ERBB4: variants seen among roughly 807,000 people sequenced by gnomAD.
ERBB4 encodes receptor tyrosine-protein kinase erbB-4.
In ERBB4, 42 loss-of-function variants were observed where a neutral mutation model predicts 158.0. The ratio of observed to expected loss-of-function variants is 0.27; its 90% confidence interval spans 0.21 to 0.34. ERBB4 has a LOEUF of 0.34. ERBB4 is among the 10% of genes least tolerant of loss of function. The pLI is 1.00. For missense variants in ERBB4, 1,333 were observed against 1,624.1 expected, an observed-to-expected ratio of 0.82 and a Z score of 3.08; for synonymous variants, 583 against 558.7, an observed-to-expected ratio of 1.04 and a Z score of -0.61.
chr2:211,857,542 A>C (rs1444203158), intron 3 of ERBB4, among the ~76,000 whole-genome samples: 1 of 152,136 alleles, frequency 6.6e-6, no homozygotes, highest in Non-Finnish European at 1.5e-5. Context: ...ATGGTTTCTG[A>C]ATTTTAATCA....
intron 20 of ERBB4, among the ~76,000 whole-genome samples, chr2:211,539,674 T>C (rs1303268297): frequency 6.6e-6 from 1 of 152,026 alleles, no homozygotes; most frequent in Non-Finnish European, 1.5e-5. Flanking sequence ...TGACTCCTTA[T>C]AGTTCTTTAC....
At chr2:212,360,255 TC>T (rs1334090382) in intron 1 of ERBB4, among the ~76,000 whole-genome samples, 28 of 151,718 alleles carry the variant, frequency 1.8e-4, no homozygotes, top group Admixed American at 1.5e-3. Context: ...CTAGCATGAG[TC>T]CAGAGTTAAC....
chr2:212,235,605 G>T (rs1229396029), intron 1 of ERBB4, among the ~76,000 whole-genome samples: 3 of 152,174 alleles, frequency 2.0e-5, no homozygotes, highest in Non-Finnish European at 2.9e-5. Flanking sequence ...CCATGAGAAT[G>T]GAATGTGTTT....
chr2:211,629,216 A>G (rs994700490), intron 17 of ERBB4, among the ~76,000 whole-genome samples: 1 of 152,192 alleles, frequency 6.6e-6, no homozygotes, highest in African/African-American at 2.4e-5. Flanking sequence ...TACAAAATCA[A>G]TGTGCAAAAA....
At chr2:212,370,830 T>C (rs1423216994) in intron 1 of ERBB4, among the ~76,000 whole-genome samples, 1 of 152,160 alleles carries the variant, frequency 6.6e-6, no homozygotes, top group African/African-American at 2.4e-5. Context: ...GATAACTCTT[T>C]ACCTTTAGTT....
chr2:212,203,952 T>G (rs1435714121), intron 1 of ERBB4, among the ~76,000 whole-genome samples: 3 of 152,252 alleles, frequency 2.0e-5, no homozygotes, highest in Non-Finnish European at 2.9e-5. Flanking sequence ...TTATTTGCTG[T>G]AGTATTCATC....
chr2:211,810,662 CTTT>C (rs59305629), intron 3 of ERBB4, among the ~76,000 whole-genome samples: 4 of 101,510 alleles, frequency 3.9e-5, no homozygotes, highest in African/African-American at 1.6e-4. Flanking sequence ...CAGTCTCTGT[CTTT>C]TTTTTTTTTT....
chr2:211,837,128 A>G (rs558322168), intron 3 of ERBB4, among the ~76,000 whole-genome samples: 48 of 152,252 alleles, frequency 3.2e-4, no homozygotes, highest in African/African-American at 1.1e-3. Flanking sequence ...TACATAAAAT[A>G]GATCTTAAAA....
chr2:211,990,761 G>A (rs1336095154), intron 2 of ERBB4, among the ~76,000 whole-genome samples: 1 of 151,686 alleles, frequency 6.6e-6, no homozygotes, highest in African/African-American at 2.4e-5. Context: ...TGAGGATGTT[G>A]GATGTTGCAA....
intron 19 of ERBB4, among the ~76,000 whole-genome samples, chr2:211,613,089 G>C (rs535856121): frequency 6.6e-6 from 1 of 152,114 alleles, no homozygotes; most frequent in South Asian, 2.1e-4. Context: ...ATTAAGGATG[G>C]AGACAAGGTC....
chr2:212,060,102 A>G (rs2077712928), intron 2 of ERBB4, among the ~76,000 whole-genome samples: 1 of 152,186 alleles, frequency 6.6e-6, no homozygotes, highest in Admixed American at 6.5e-5. Flanking sequence ...ACAAATTACA[A>G]TTGTTGTTAC....
At chr2:212,204,340 CT>C (rs2082673518) in intron 1 of ERBB4, among the ~76,000 whole-genome samples, 1 of 152,072 alleles carries the variant, frequency 6.6e-6, no homozygotes, top group African/African-American at 2.4e-5. Context: ...CTTAATGTGT[CT>C]TTTTTGCTTT....
intron 3 of ERBB4, among the ~76,000 whole-genome samples, chr2:211,815,892 C>G (rs1331489903): frequency 1.3e-5 from 2 of 152,170 alleles, no homozygotes; most frequent in African/African-American, 4.8e-5. Flanking sequence ...TCCTTCCTCT[C>G]CGGCCCTTGG....
intron 1 of ERBB4, among the ~76,000 whole-genome samples, chr2:212,262,005 A>C (rs997052164): frequency 1.3e-5 from 2 of 152,152 alleles, no homozygotes; most frequent in Non-Finnish European, 2.9e-5. Context: ...TAAATCCAAC[A>C]AATACCAACA....
At chr2:212,408,566 C>A (rs1420113356) in intron 1 of ERBB4, among the ~76,000 whole-genome samples, 2 of 151,960 alleles carry the variant, frequency 1.3e-5, no homozygotes, top group African/African-American at 4.8e-5. Flanking sequence ...TCCCTTGAGC[C>A]CAGGAGTTCA....
intron 1 of ERBB4, among the ~76,000 whole-genome samples, chr2:212,436,053 A>T (rs2092128773): frequency 6.6e-6 from 1 of 151,952 alleles, no homozygotes; most frequent in Non-Finnish European, 1.5e-5. Flanking sequence ...AATTATAACC[A>T]TAAAAGCAGG....
chr2:212,417,195 GATAA>G (rs969245933), intron 1 of ERBB4, among the ~76,000 whole-genome samples: 2 of 151,956 alleles, frequency 1.3e-5, no homozygotes, highest in Non-Finnish European at 1.5e-5. Flanking sequence ...GCAAATGGTA[GATAA>G]ATATTTATTT....
chr2:211,534,692 T>C (rs2066596089), intron 20 of ERBB4, among the ~76,000 whole-genome samples: 1 of 152,048 alleles, frequency 6.6e-6, no homozygotes, highest in Non-Finnish European at 1.5e-5. Context: ...TAAGTCTAAA[T>C]GAGCAGTCAG....
chr2:211,782,914 TC>T (rs2076071714), intron 4 of ERBB4, among the ~76,000 whole-genome samples: 1 of 152,152 alleles, frequency 6.6e-6, no homozygotes, highest in Admixed American at 6.6e-5. Context: ...GTGAAGAAAG[TC>T]ATTGGTAGCT....
Sources: allele counts gnomAD v4.1 joint callset (sites outside exome capture counted in the v4.1 genomes callset), GRCh38; gene constraint gnomAD v4.1.1; transcripts MANE v1.5; gene names NCBI Gene and HGNC (gene_info 2026-07-23, HGNC 2026-07-21).